Variants in PYHIN1 observed in about 807,000 individuals in gnomAD.
PYHIN1 encodes the protein pyrin and HIN domain-containing protein 1.
In PYHIN1, 32 loss-of-function variants were observed where a neutral mutation model predicts 43.7. The observed-to-expected ratio is 0.73, with a 90% confidence interval of 0.55 to 0.98. The LOEUF (loss-of-function observed/expected upper bound fraction) is 0.98. Among genes scored for constraint, PYHIN1 ranks in the 50% least tolerant of loss-of-function variants. The pLI is 0.00. For synonymous variants in PYHIN1, 205 were observed against 203.1 expected, an observed-to-expected ratio of 1.01 and a Z score of -0.08; for missense variants, 588 against 589.5, an observed-to-expected ratio of 1.00 and a Z score of 0.03.
intron 8 of PYHIN1, among the ~76,000 whole-genome samples, chr1:158,975,089 C>T (rs903731824): frequency 6.6e-6 from 1 of 151,970 alleles, no homozygotes. Flanking sequence ...ATGTCTCCTA[C>T]ACCTAACCTC....
At chr1:158,984,018 A>G in the PYHIN1 span, among the ~76,000 whole-genome samples, 1 of 111,620 alleles carries the variant, frequency 9.0e-6, no homozygotes, top group African/African-American at 3.5e-5. Context: ...ATTTATTTGG[A>G]TCTTCTCCTG....
At chr1:158,987,428 A>G in the PYHIN1 span, among the ~76,000 whole-genome samples, 11 of 152,126 alleles carry the variant, frequency 7.2e-5, no homozygotes, top group Non-Finnish European at 1.5e-4. Flanking sequence ...ATTAAGTTGT[A>G]TAGTTCCTTA....
intron 7 of PYHIN1, among the ~76,000 whole-genome samples, chr1:158,971,940 C>G (rs369257224): frequency 2.7e-5 from 4 of 150,684 alleles, no homozygotes; most frequent in Admixed American, 2.7e-4. Context: ...AGAGAAAATG[C>G]AAGAAGGAAG....
intron 7 of PYHIN1, among the ~76,000 whole-genome samples, chr1:158,951,993 C>G (rs1443216699): frequency 6.6e-6 from 1 of 151,968 alleles, no homozygotes; most frequent in African/African-American, 2.4e-5. Context: ...CGCTTGTATA[C>G]AAGGAGCACA....
intron 8 of PYHIN1, 26 bp from the exon 9 acceptor site, chr1:158,976,675 T>C: frequency 6.4e-7 from 1 of 1,571,718 alleles, no homozygotes. Context: ...CTCAACGGGT[T>C]TATTTTTATC....
chr1:158,961,589 G>T (rs1462643961), intron 7 of PYHIN1, among the ~76,000 whole-genome samples: 1 of 151,988 alleles, frequency 6.6e-6, no homozygotes, highest in African/African-American at 2.4e-5. Context: ...TTGCTCACCT[G>T]GGAATGGCAC....
Position 158,976,839 on chromosome 1 carries a change from A to AATACATGTAT in PYHIN1, c.*147_*148insCATGTATATA, listed in dbSNP as rs1553201650. The AATACATGTAT allele has an allele frequency of 9.3e-6, 3 of 321,666 alleles. No individual in the cohort carries two copies. The highest frequency in any genetic ancestry group is 9.7e-5 in the Admixed American group (2 of 20,666). 19.9% of individuals were successfully genotyped at this position (321,666 alleles called of 1,614,324 possible). A position where few individuals can be genotyped will look rare whatever the true frequency, so the allele number is the denominator to read the frequency against. On this transcript the variant is annotated 3_prime_UTR_variant, in exon 9 of 9. Transcript: ENST00000368140. The stretch of plus-strand genomic sequence containing the variant: ...AAGATAAGATCAAAGCACAGAAAAT[A>AATACATGTAT]ATATATGTATATATATCTGGTTGAA...
intron 7 of PYHIN1, among the ~76,000 whole-genome samples, chr1:158,969,896 T>C (rs895578466): frequency 2.6e-5 from 4 of 151,968 alleles, no homozygotes; most frequent in African/African-American, 7.2e-5. Context: ...TGTATCTCCA[T>C]GGCCACCTAC....
intron 3 of PYHIN1, 64 bp from the exon 4 acceptor site, chr1:158,939,016 T>C: frequency 8.0e-7 from 1 of 1,253,234 alleles, no homozygotes; most frequent in Non-Finnish European, 1.1e-6. Flanking sequence ...TACCTTGTAA[T>C]GAAAATGTGC....
At chr1:158,989,387 G>A in the PYHIN1 span, among the ~76,000 whole-genome samples, 26 of 152,266 alleles carry the variant, frequency 1.7e-4, no homozygotes, top group African/African-American at 5.8e-4. Context: ...ACCTCCCAAA[G>A]TTTGTGTGCT....
chr1:158,964,525 A>AG (rs1650510823), intron 7 of PYHIN1, among the ~76,000 whole-genome samples: 1 of 152,234 alleles, frequency 6.6e-6, no homozygotes, highest in South Asian at 2.1e-4. Flanking sequence ...ACCCTATCAG[A>AG]CTACAGCAGA....
intron 7 of PYHIN1, among the ~76,000 whole-genome samples, chr1:158,972,173 T>C (rs1650970135): frequency 1.3e-5 from 2 of 152,062 alleles, no homozygotes; most frequent in South Asian, 2.1e-4. Flanking sequence ...ATAGTCTGCA[T>C]AGGTAAAATT....
intron 8 of PYHIN1, among the ~76,000 whole-genome samples, chr1:158,976,176 T>C (rs1348455468): frequency 6.6e-6 from 1 of 152,070 alleles, no homozygotes; most frequent in Non-Finnish European, 1.5e-5. Context: ...CATATATTCA[T>C]GTGGGATTCT....
At chr1:158,960,008 A>G (rs856070) in intron 7 of PYHIN1, among the ~76,000 whole-genome samples, 126,779 of 152,168 alleles carry the variant, frequency 0.83, 53,444 homozygotes, top group East Asian at 0.99. Flanking sequence ...TTTTACATTC[A>G]TTTCTCACCC....
chr1:158,968,223 T>C (rs1183053067), intron 7 of PYHIN1, among the ~76,000 whole-genome samples: 1 of 151,874 alleles, frequency 6.6e-6, no homozygotes, highest in African/African-American at 2.4e-5. Flanking sequence ...ATCCAGAATC[T>C]ATAAAGAATG....
chr1:158,959,784 A>G (rs1238516054), intron 7 of PYHIN1, among the ~76,000 whole-genome samples: 1 of 152,074 alleles, frequency 6.6e-6, no homozygotes, highest in East Asian at 1.9e-4. Flanking sequence ...CCCCCTTTCT[A>G]TACCATAAGC....
the PYHIN1 span, among the ~76,000 whole-genome samples, chr1:158,990,683 C>T: frequency 6.6e-6 from 1 of 152,180 alleles, no homozygotes; most frequent in Non-Finnish European, 1.5e-5. Flanking sequence ...TCCCCTACAA[C>T]ATCCCTACCC....
intron 7 of PYHIN1, among the ~76,000 whole-genome samples, chr1:158,948,874 T>C (rs1649367107): frequency 6.6e-6 from 1 of 152,148 alleles, no homozygotes; most frequent in East Asian, 1.9e-4. Context: ...AAATTAGATA[T>C]ATTGTCATTA....
chr1:158,952,908 G>C (rs186669549), intron 7 of PYHIN1, among the ~76,000 whole-genome samples: 1,594 of 152,276 alleles, frequency 0.01, 36 homozygotes, highest in African/African-American at 0.037. Context: ...CACCATGCGC[G>C]AGCCGAAGTA....
Sources: allele counts gnomAD v4.1 joint callset (sites outside exome capture counted in the v4.1 genomes callset), GRCh38; gene constraint gnomAD v4.1.1; transcripts MANE v1.5; gene names NCBI Gene and HGNC (gene_info 2026-07-23, HGNC 2026-07-21).